Variants in KMT5A observed in about 807,000 individuals in gnomAD.
KMT5A encodes the protein N-lysine methyltransferase KMT5A.
KMT5A carries 6 observed loss-of-function variants against 40.6 expected under a neutral mutation model. That is an observed-to-expected ratio of 0.15 (90% CI 0.08 to 0.29). KMT5A has a LOEUF of 0.29. Ranked by LOEUF, KMT5A falls within the 10% of genes least tolerant of loss-of-function variation. The pLI, the probability that KMT5A is intolerant of heterozygous loss-of-function variation, is 1.00. For synonymous variants in KMT5A, 153 were observed against 178.8 expected (o/e 0.86, Z 1.15); for missense variants, 308 against 459.1 (o/e 0.67, Z 3.01).
chr12:123,399,273 T>A (rs1422024759), intron 5 of KMT5A, among the ~76,000 whole-genome samples: 2 of 152,252 alleles, frequency 1.3e-5, no homozygotes, highest in Non-Finnish European at 2.9e-5. Flanking sequence ...TCCAACCTTG[T>A]ATCCCTCCCA....
In KMT5A at chr12:123,396,350, A is replaced by G. The variant is rs1206632912; in HGVS notation, c.515A>G (p.Gln172Arg). The G allele has an allele frequency of 1.2e-6, 2 of 1,613,062 alleles. No homozygotes were observed. The highest frequency in any genetic ancestry group is 2.2e-5 in the East Asian group (1 of 44,876). ...CCTCTTCCCCTCTTACCCAGAGCTC[A>G]AGGAAAAACGCAACAGAATCGCAAA... ...KGKQAPRKKA[Q>R]GKTQQNRKLT... The change falls in exon 5 of 8, where the codon CAA becomes CGA. Residue 172 changes from glutamine to arginine, a missense_variant. By Grantham distance (43) the Gln-to-Arg change is conservative. This residue lies in a region of KMT5A where 127 missense variants were observed against 129.8 expected (regional missense o/e 0.98). Transcript: ENST00000402868.
intron 5 of KMT5A, among the ~76,000 whole-genome samples, chr12:123,403,200 G>C (rs1268898202): frequency 6.6e-6 from 1 of 152,270 alleles, no homozygotes; most frequent in Non-Finnish European, 1.5e-5. Flanking sequence ...ACCGCGCCTG[G>C]CCCACTGTAC....
At chr12:123,405,994 T>C (rs1009424103) in intron 7 of KMT5A, among the ~76,000 whole-genome samples, 3 of 152,126 alleles carry the variant, frequency 2.0e-5, no homozygotes, top group African/African-American at 7.2e-5. Flanking sequence ...TAATTTTTTG[T>C]ATTTTTAGTA....
chr12:123,409,331 TTAA>T lies in KMT5A; in HGVS notation c.*1629_*1631del, dbSNP rs1276730523. ...TTTGTCATCATAAAAATGAAACAAA[TTAA>T]AATATTTATTGCCAGGCAAGGCCAC... is the stretch of plus-strand genomic sequence containing the variant. On this transcript the variant is annotated 3_prime_UTR_variant, in exon 8 of 8. Transcript: ENST00000402868. 1 of 152,040 alleles carries T rather than the reference TTAA, an allele frequency of 6.6e-6. No individual in the cohort carries two copies. The highest frequency in any genetic ancestry group is 1.5e-5 in the Non-Finnish European group (1 of 68,022). The allele number at this position is 152,040 out of a possible 1,614,324, so 9.4% of individuals were successfully genotyped here.
rs1169695085 is a variant in KMT5A, at chr12:123,384,165, C to T, written c.-34C>T. 2 of 1,613,220 alleles carry T rather than the reference C, an allele frequency of 1.2e-6. No individual in the cohort carries two copies. Among genetic ancestry groups the T allele is most frequent in the East Asian group, 2.2e-5 (1 of 44,870 alleles). On this transcript the variant is annotated 5_prime_UTR_variant, in exon 1 of 8. Transcript: ENST00000402868. The surrounding 1 kb of genome is among the most constrained non-coding windows in gnomAD (Gnocchi z 5.7). ...GCAACTTTTTTCGAAAGCTGGGTTT[C>T]CCGGGAGATCCCAGGCGGTGACAGA...
chr12:123,404,426 C>G (rs1417285880), intron 6 of KMT5A, among the ~76,000 whole-genome samples: 1 of 152,128 alleles, frequency 6.6e-6, no homozygotes, highest in Non-Finnish European at 1.5e-5. Flanking sequence ...AGGTAGAGAC[C>G]CAGAACACTG....
intron 6 of KMT5A, among the ~76,000 whole-genome samples, chr12:123,404,063 T>G (rs1878365293): frequency 6.6e-6 from 1 of 152,214 alleles, no homozygotes; most frequent in African/African-American, 2.4e-5. Flanking sequence ...TCAGTGGAGT[T>G]GCTCTTCTGG....
At chr12:123,385,199 C>T (rs1348361994) in intron 1 of KMT5A, among the ~76,000 whole-genome samples, 1 of 151,798 alleles carries the variant, frequency 6.6e-6, no homozygotes, top group East Asian at 1.9e-4. Flanking sequence ...GTTTTCAGGC[C>T]CTGAAGTCAG....
At chr12:123,390,858 T>A (rs1325914850) in intron 3 of KMT5A, 72 bp downstream of exon 3, 1 of 1,524,540 alleles carries the variant, frequency 6.6e-7, no homozygotes, top group Non-Finnish European at 9.0e-7. Context: ...TCTGCAAGAA[T>A]GCACATATGT....
intron 7 of KMT5A, among the ~76,000 whole-genome samples, chr12:123,406,639 T>C (rs1184818378): frequency 6.6e-6 from 1 of 152,072 alleles, no homozygotes; most frequent in African/African-American, 2.4e-5. Context: ...ATCCATTTAT[T>C]TTGTGAAACT....
intron 5 of KMT5A, among the ~76,000 whole-genome samples, chr12:123,397,447 G>A (rs144531071): frequency 6.6e-5 from 10 of 152,256 alleles, no homozygotes; most frequent in African/African-American, 9.6e-5. Flanking sequence ...CTCCTTCAGC[G>A]TTCTTGATGT....
At chr12:123,400,284 C>T (rs1878049358) in intron 5 of KMT5A, among the ~76,000 whole-genome samples, 1 of 151,840 alleles carries the variant, frequency 6.6e-6, no homozygotes, top group Non-Finnish European at 1.5e-5. Flanking sequence ...ATCCGCCCGC[C>T]TCGGCCTCCC....
At chr12:123,394,065 A>C (rs895522436) in intron 3 of KMT5A, among the ~76,000 whole-genome samples, 1 of 148,684 alleles carries the variant, frequency 6.7e-6, no homozygotes, top group East Asian at 2.0e-4. Flanking sequence ...GCACCATTTT[A>C]TATCTGTGAG....
chr12:123,407,150 CA>C (rs544409474), intron 7 of KMT5A, among the ~76,000 whole-genome samples: 79 of 151,498 alleles, frequency 5.2e-4, no homozygotes, highest in African/African-American at 1.7e-3. Context: ...CCAGCCTGAG[CA>C]ATATAGGGAG....
intron 3 of KMT5A, among the ~76,000 whole-genome samples, chr12:123,393,635 G>A (rs1877472052): frequency 6.6e-6 from 1 of 152,012 alleles, no homozygotes; most frequent in South Asian, 2.1e-4. Flanking sequence ...TGCCTCCCAG[G>A]TTCAAGCTAT....
chr12:123,403,607 A>G lies in KMT5A; in HGVS notation c.632A>G (p.Glu211Gly), dbSNP rs745833141. ...AGGAAAAGAATAGATGAATTGATTGAAAGTGGGAAGGAAGAAGGAATGAAG... is the reference window on the plus strand; with the variant it reads ...AGGAAAAGAATAGATGAATTGATTGGAAGTGGGAAGGAAGAAGGAATGAAG... ...EERKRIDELI[E>G]SGKEEGMKID... The change falls in exon 6 of 8, where the codon GAA becomes GGA. Residue 211 changes from glutamate to glycine, a missense_variant. Glu to Gly is a moderately conservative substitution (Grantham distance 98, BLOSUM62 -2). Coordinates refer to ENST00000402868, the MANE Select transcript of KMT5A (RefSeq NM_020382.7). The G allele has an allele frequency of 6.2e-7, 1 of 1,614,212 alleles. No homozygotes were observed. The highest frequency in any genetic ancestry group is 1.7e-5 in the Admixed American group (1 of 60,028).
At chr12:123,406,089 G>T (rs1479185694) in intron 7 of KMT5A, among the ~76,000 whole-genome samples, 1 of 152,012 alleles carries the variant, frequency 6.6e-6, no homozygotes, top group African/African-American at 2.4e-5. Context: ...AAAGTGCTGG[G>T]ATTACAGGCA....
intron 5 of KMT5A, among the ~76,000 whole-genome samples, chr12:123,401,684 C>T (rs546938395): frequency 1.3e-5 from 2 of 151,920 alleles, no homozygotes; most frequent in Non-Finnish European, 2.9e-5. Flanking sequence ...TGGGTTCAAG[C>T]GATTCTCCTG....
intron 1 of KMT5A, among the ~76,000 whole-genome samples, chr12:123,387,419 T>C (rs1247674442): frequency 6.6e-6 from 1 of 152,208 alleles, no homozygotes; most frequent in Non-Finnish European, 1.5e-5. Context: ...TCCAAAACCA[T>C]GATTCTCATG....
Sources: allele counts gnomAD v4.1 joint callset (sites outside exome capture counted in the v4.1 genomes callset), GRCh38; gene constraint gnomAD v4.1.1; regional missense constraint gnomAD v4.1.1; non-coding constraint Gnocchi (gnomAD v3.1); transcripts MANE v1.5; gene names NCBI Gene and HGNC (gene_info 2026-07-23, HGNC 2026-07-21).